The following ANO1 variants were observed in gnomAD, a reference collection of about 807,000 sequenced individuals.
ANO1 encodes anoctamin 1.
ANO1 carries 59 observed loss-of-function variants against 124.0 expected under a neutral mutation model. The observed-to-expected ratio is 0.48, with a 90% CI of 0.39 to 0.59. The LOEUF (loss-of-function observed/expected upper bound fraction) is 0.59. ANO1 is among the 20% of genes least tolerant of loss of function. The pLI is 0.00. For synonymous variants in ANO1, 529 were observed against 532.0 expected (o/e 0.99, Z 0.08); for missense variants, 1,059 against 1,328.0 (o/e 0.80, Z 3.15).
At chr11:70,033,049 C>T (rs1857031060) in intron 1 of ANO1, among the ~76,000 whole-genome samples, 1 of 152,188 alleles carries the variant, frequency 6.6e-6, no homozygotes, top group African/African-American at 2.4e-5. Flanking sequence ...GCACAGGTCC[C>T]TTTAACGACA....
At chr11:70,152,364 C>G in intron 12 of ANO1, 86 bp from the exon 13 acceptor site, 11 of 985,682 alleles carry the variant, frequency 1.1e-5, no homozygotes, top group Non-Finnish European at 1.5e-5. Context: ...AAAAGTTGTC[C>G]TTAGTGGACA....
At chr11:69,970,199 G>T in the ANO1 span, among the ~76,000 whole-genome samples, 3 of 152,156 alleles carry the variant, frequency 2.0e-5, no homozygotes, top group Non-Finnish European at 4.4e-5. Flanking sequence ...TCTTTCTCCC[G>T]AGGAGACCCC....
At chr11:69,989,261 T>C (rs951874521) in intron 1 of ANO1, among the ~76,000 whole-genome samples, 2 of 152,182 alleles carry the variant, frequency 1.3e-5, no homozygotes, top group Non-Finnish European at 2.9e-5. Context: ...CATTTAATCA[T>C]GGTGCTATCT....
At chr11:70,043,764 A>G (rs1372736660) in intron 1 of ANO1, among the ~76,000 whole-genome samples, 1 of 152,184 alleles carries the variant, frequency 6.6e-6, no homozygotes, top group Non-Finnish European at 1.5e-5. Context: ...CTTTTACAGA[A>G]GAACAAAATC....
At chr11:70,145,471 C>G (rs535371520) in intron 11 of ANO1, among the ~76,000 whole-genome samples, 1 of 152,112 alleles carries the variant, frequency 6.6e-6, no homozygotes, top group Non-Finnish European at 1.5e-5. Flanking sequence ...ATTTTTTAAA[C>G]GTGTCTGAGC....
chr11:70,178,007 A>C (rs1160883604), intron 22 of ANO1, among the ~76,000 whole-genome samples: 1 of 152,222 alleles, frequency 6.6e-6, no homozygotes, highest in Non-Finnish European at 1.5e-5. Flanking sequence ...CCTGCCTGCC[A>C]CCGCTTTGCA....
chr11:69,975,904 A>G, the ANO1 span, among the ~76,000 whole-genome samples: 1 of 152,070 alleles, frequency 6.6e-6, no homozygotes, highest in Non-Finnish European at 1.5e-5. Flanking sequence ...GGGACAAAAC[A>G]CTCATGTACC....
At chr11:70,107,511 A>T (rs1333758720) in intron 5 of ANO1, among the ~76,000 whole-genome samples, 1 of 95,872 alleles carries the variant, frequency 1.0e-5, no homozygotes, top group African/African-American at 3.7e-5. Flanking sequence ...GGAAGCGGTC[A>T]GATGGCCTGG....
chr11:70,075,917 C>T (rs1555009962), upstream of ANO1, among the ~76,000 whole-genome samples: 2 of 152,222 alleles, frequency 1.3e-5, no homozygotes. Flanking sequence ...TTTCCCGCTC[C>T]TATTTTGGGG....
At chr11:70,135,083 A>C (rs1472316842) in intron 11 of ANO1, among the ~76,000 whole-genome samples, 1 of 152,172 alleles carries the variant, frequency 6.6e-6, no homozygotes, top group Non-Finnish European at 1.5e-5. Context: ...GGGGTGACAC[A>C]GTGGGGGCCC....
At chr11:70,012,256 G>A (rs1383414287) in intron 1 of ANO1, among the ~76,000 whole-genome samples, 1 of 141,654 alleles carries the variant, frequency 7.1e-6, no homozygotes, top group Non-Finnish European at 1.5e-5. Context: ...CCATCCATTT[G>A]TCCATCTATT....
At chr11:70,093,284 C>A (rs562961308) in intron 2 of ANO1, among the ~76,000 whole-genome samples, 12 of 150,018 alleles carry the variant, frequency 8.0e-5, no homozygotes, top group Admixed American at 1.3e-4. Context: ...CTCTCTCTCT[C>A]CTTCTCCCTC....
At chr11:70,134,082 G>T (rs1476309035) in intron 11 of ANO1, among the ~76,000 whole-genome samples, 1 of 152,182 alleles carries the variant, frequency 6.6e-6, no homozygotes, top group Non-Finnish European at 1.5e-5. Flanking sequence ...ATCTTATTGG[G>T]CAGCTCCGTG....
At chr11:70,009,316 T>G (rs547675186) in intron 1 of ANO1, among the ~76,000 whole-genome samples, 1 of 152,074 alleles carries the variant, frequency 6.6e-6, no homozygotes, top group African/African-American at 2.4e-5. Flanking sequence ...GGAGGGAGGA[T>G]AGCAGCTCTG....
intron 1 of ANO1, among the ~76,000 whole-genome samples, chr11:70,029,307 T>C (rs1856962032): frequency 1.3e-5 from 2 of 152,172 alleles, no homozygotes; most frequent in Non-Finnish European, 2.9e-5. Flanking sequence ...TGCGCAAAGA[T>C]GAGGCCTCCC....
intron 1 of ANO1, among the ~76,000 whole-genome samples, chr11:70,012,046 C>A (rs1555001190): frequency 6.6e-6 from 1 of 151,726 alleles, no homozygotes; most frequent in Non-Finnish European, 1.5e-5. Flanking sequence ...ATCTATCCAT[C>A]CATTGTTGGA....
intron 10 of ANO1, among the ~76,000 whole-genome samples, chr11:70,131,303 ATGTGTGTGTGTGTG>A (rs58686061): frequency 2.7e-5 from 4 of 149,088 alleles, no homozygotes; most frequent in Admixed American, 6.7e-5. Context: ...TCAAAAATCA[ATGTGTGTGTGTGTG>A]TGTGTGTGTG....
At chr11:70,105,829 T>A (rs773212204) in intron 5 of ANO1, 41 bp downstream of exon 5, 95 of 1,596,962 alleles carry the variant, frequency 5.9e-5, no homozygotes, top group Non-Finnish European at 7.7e-5. Context: ...ACTGGCAAGA[T>A]GGCCCTGGGG....
intron 1 of ANO1, among the ~76,000 whole-genome samples, chr11:70,055,362 T>G (rs1555006700): frequency 6.6e-6 from 1 of 152,130 alleles, no homozygotes; most frequent in Non-Finnish European, 1.5e-5. Flanking sequence ...TGTATTTTGA[T>G]ATATACATAA....
Sources: allele counts gnomAD v4.1 joint callset (sites outside exome capture counted in the v4.1 genomes callset), GRCh38; gene constraint gnomAD v4.1.1; transcripts MANE v1.5; gene names NCBI Gene and HGNC (gene_info 2026-07-23, HGNC 2026-07-21).